Variants in MUCL3 observed in about 807,000 individuals in gnomAD.
The protein encoded by MUCL3 is mucin-like protein 3.
A neutral mutation model predicts 70.2 loss-of-function variants in MUCL3; 42 were observed. That is an observed-to-expected ratio of 0.60 (90% CI 0.47 to 0.77). MUCL3 has a LOEUF of 0.77. Ranked by LOEUF, MUCL3 falls within the 30% of genes least tolerant of loss-of-function variation. The probability of loss-of-function intolerance (pLI) is 0.00; values close to 1 mark genes in which losing one functional copy is unlikely to be tolerated. For synonymous variants in MUCL3, 522 were observed against 647.0 expected, an observed-to-expected ratio of 0.81 and a Z score of 2.93; for missense variants, 1,429 against 1,670.0, an observed-to-expected ratio of 0.86 and a Z score of 2.52.
intron 1 of MUCL3, chr6:30,946,051 C>T (rs532792299): frequency 6.6e-6 from 1 of 152,374 alleles, no homozygotes; most frequent in South Asian, 2.1e-4. Context: ...TAAAACACAG[C>T]AGAGAAAGTG....
In MUCL3 at chr6:30,951,926, G is replaced by C. The variant is rs1359462699; in HGVS notation, c.3462G>C (p.Leu1154Phe). The C allele has an allele frequency of 6.2e-7, 1 of 1,612,838 alleles. No individual in the cohort carries two copies. Among genetic ancestry groups the C allele is most frequent in the African/African-American group, 1.3e-5 (1 of 74,634 alleles). ...EPIKHAKRTT[L>F]AHEKMTQVTE... ...TAAAACATGCAAAAAGGACCACATT[G>C]GCCCATGAGAAGATGACACAAGTCA... The change falls in exon 2 of 3, where the codon TTG becomes TTC. Residue 1154 changes from leucine (L) to phenylalanine (F), a missense_variant. Leu to Phe is a conservative substitution (Grantham distance 22). Coordinates refer to ENST00000462446, the MANE Select transcript of MUCL3 (RefSeq NM_080870.4).
Position 30,948,651 on chromosome 6 carries a change from A to G in MUCL3, c.187A>G (p.Ile63Val). 6.4e-7 allele frequency: 1 copy of G among 1,551,260 alleles called. No homozygotes were observed. Among genetic ancestry groups the G allele is most frequent in the Non-Finnish European group, 8.7e-7 (1 of 1,146,906 alleles). Residue 63 changes from isoleucine (I) to valine (V), a missense_variant, in exon 2 of 3, where the codon ATT becomes GTT. Ile to Val is a conservative substitution (Grantham distance 29). Transcript: ENST00000462446. Reference protein sequence around the residue: ...GLVYSIPFDHIVLHSGQRPPE... With the variant: ...GLVYSIPFDHVVLHSGQRPPE... Reference sequence around the variant, plus strand: ...TGTTTATAGTATCCCTTTTGATCACATTGTTCTGCATTCAGGACAAAGACC... The same window carrying G: ...TGTTTATAGTATCCCTTTTGATCACGTTGTTCTGCATTCAGGACAAAGACC...
Position 30,952,002 on chromosome 6 carries a change from A to G in MUCL3, c.3538A>G (p.Thr1180Ala). ...AAAGACCACGTCAACCACAGAGAAA[A>G]CCACAAGAACCCCAGAAAAGCCTAC... ...PEKTTSTTEK[T>A]TRTPEKPTLY... Residue 1180 changes from threonine to alanine, a missense_variant, in exon 2 of 3, where the codon ACC (threonine) becomes GCC (alanine). Thr to Ala is a moderately conservative substitution (Grantham distance 58). Transcript: ENST00000462446. 1 of 1,612,626 alleles carries G rather than the reference A, an allele frequency of 6.2e-7. No individual in the cohort carries two copies. Among genetic ancestry groups the G allele is most frequent in the Non-Finnish European group, 8.5e-7 (1 of 1,179,848 alleles).
Position 30,950,881 on chromosome 6 carries a change from A to G in MUCL3, c.2417A>G (p.Glu806Gly), listed in dbSNP as rs1181399664. Reference sequence around the variant, plus strand: ...TCAGCAGAGCCTACAGAACACGCAGAAAGGACTCCACTGGCCAATGAGAAC... The same window carrying G: ...TCAGCAGAGCCTACAGAACACGCAGGAAGGACTCCACTGGCCAATGAGAAC... Reference protein sequence around the residue: ...SSSAEPTEHAERTPLANENTT... With the variant: ...SSSAEPTEHAGRTPLANENTT... Residue 806 changes from glutamate to glycine, a missense_variant, in exon 2 of 3, where the codon GAA becomes GGA. Glu to Gly is a moderately conservative substitution (Grantham distance 98, BLOSUM62 -2). Coordinates refer to ENST00000462446, the MANE Select transcript of MUCL3 (RefSeq NM_080870.4). 1 of 1,551,206 alleles carries G rather than the reference A, an allele frequency of 6.4e-7. No homozygotes were observed. Among genetic ancestry groups the G allele is most frequent in the Non-Finnish European group, 8.7e-7 (1 of 1,146,936 alleles).
At position 30,949,533 on chromosome 6, in the gene MUCL3, T is replaced by C. The variant is rs1322864394; in HGVS notation, c.1069T>C (p.Phe357Leu). The change falls in exon 2 of 3, where the codon TTC becomes CTC. Residue 357 changes from phenylalanine to leucine, a missense_variant. Physicochemically the swap from Phe to Leu is conservative, Grantham distance 22. Transcript: ENST00000462446. ...GACAGCCAATGAGAATACCACACTATTCCCAGCAGAGCCTACAGAACATGG... is the reference window on the plus strand; with the variant it reads ...GACAGCCAATGAGAATACCACACTACTCCCAGCAGAGCCTACAGAACATGG... ...EMTANENTTL[F>L]PAEPTEHGER... The C allele has an allele frequency of 1.3e-6, 2 of 1,548,402 alleles. No homozygotes were observed. The highest frequency in any genetic ancestry group is 2.4e-5 in the South Asian group (2 of 83,938).
At position 30,953,048 on chromosome 6, in the gene MUCL3, C is replaced by A. The variant is rs1355463148; in HGVS notation, c.4113C>A (p.Pro1371=). The change falls in exon 3 of 3, where the codon CCC becomes CCA. Residue 1371 remains proline (P), a synonymous_variant. Coordinates refer to ENST00000462446, the MANE Select transcript of MUCL3 (RefSeq NM_080870.4). ...QYNDAEDEGG[P]NSYPVYLMEQ... ...ATGATGCAGAGGATGAGGGTGGCCCCAATTCCTACCCGGTCTACCTGATGG... is the reference window on the plus strand; with the variant it reads ...ATGATGCAGAGGATGAGGGTGGCCCAAATTCCTACCCGGTCTACCTGATGG... 6.2e-7 allele frequency: 1 copy of A among 1,614,244 alleles called. No homozygotes were observed. Among genetic ancestry groups the A allele is most frequent in the African/African-American group, 1.3e-5 (1 of 75,064 alleles).
At position 30,949,156 on chromosome 6, in the gene MUCL3, C is replaced by T; in HGVS notation, c.692C>T (p.Ala231Val). Residue 231 changes from alanine to valine, a missense_variant, in exon 2 of 3, where the codon GCA (alanine) becomes GTA (valine). Ala to Val is a moderately conservative substitution (Grantham distance 64, BLOSUM62 0). Coordinates refer to ENST00000462446, the MANE Select transcript of MUCL3 (RefSeq NM_080870.4). ...ACATCTTTTCCAGAAAAAATCACAG[C>T]AGCCTCAAAAACAACATACAAGACC... The part of the protein sequence containing the change: ...KSTSFPEKIT[A>V]ASKTTYKTTG... 1.3e-6 allele frequency: 2 copies of T among 1,551,418 alleles called. No individual in the cohort carries two copies. The highest frequency in any genetic ancestry group is 1.7e-6 in the Non-Finnish European group (2 of 1,146,952).
chr6:30,946,923 T>C (rs766892889), intron 1 of MUCL3, among the ~76,000 whole-genome samples: 1 of 152,220 alleles, frequency 6.6e-6, no homozygotes, highest in Non-Finnish European at 1.5e-5. Flanking sequence ...AATAAGTTAA[T>C]GTATGCCCTC....
chr6:30,953,461 C>G lies in MUCL3; in HGVS notation c.*344C>G. On this transcript the variant is annotated 3_prime_UTR_variant, in exon 3 of 3. Coordinates refer to ENST00000462446, the MANE Select transcript of MUCL3 (RefSeq NM_080870.4). Reference sequence around the variant, plus strand: ...AAAGGAAGGACAGGAGCCTTATAGGCAATGCCCCAGACTGACTTGTGAGTG... The same window carrying G: ...AAAGGAAGGACAGGAGCCTTATAGGGAATGCCCCAGACTGACTTGTGAGTG... The G allele has an allele frequency of 3.2e-6, 1 of 316,838 alleles. No homozygotes were observed. Among genetic ancestry groups the G allele is most frequent in the Non-Finnish European group, 5.8e-6 (1 of 171,906 alleles). 19.6% of individuals were successfully genotyped at this position (316,838 alleles called of 1,614,324 possible).
rs766292530 is a variant in MUCL3, at chr6:30,948,599, T to C, written c.135T>C (p.Asp45=). The part of the protein sequence containing the change: ...YQKTGELSTS[D]HIFPLTPGLV... ...AAACTGGGGAACTCTCAACATCCGA[T>C]CACATATTTCCCCTCACTCCAGGCC... The change falls in exon 2 of 3, where the codon GAT becomes GAC. Residue 45 remains aspartate, a synonymous_variant. Transcript: ENST00000462446. The C allele has an allele frequency of 1.9e-6, 3 of 1,548,382 alleles. No homozygotes were observed. The South Asian group carries it at 3.6e-5, about 19-fold the overall frequency.
chr6:30,945,385 T>C (rs761707028), intron 1 of MUCL3, among the ~76,000 whole-genome samples: 10 of 149,542 alleles, frequency 6.7e-5, no homozygotes, highest in Non-Finnish European at 1.0e-4. Flanking sequence ...ACGCCTATAA[T>C]CCTAATATTT....
chr6:30,945,088 C>T (rs1292850138), intron 1 of MUCL3, among the ~76,000 whole-genome samples: 9 of 152,218 alleles, frequency 5.9e-5, no homozygotes, highest in South Asian at 2.1e-4. Context: ...CTTCTTTCAA[C>T]GTCTTTTAAT....
chr6:30,951,854 T>C lies in MUCL3; in HGVS notation c.3390T>C (p.Asp1130=). 6.2e-7 allele frequency: 1 copy of C among 1,600,638 alleles called. No individual in the cohort carries two copies. The highest frequency in any genetic ancestry group is 8.5e-7 in the Non-Finnish European group (1 of 1,174,644). The change falls in exon 2 of 3, where the codon GAT becomes GAC. Residue 1130 remains aspartate, a synonymous_variant. Transcript: ENST00000462446. ...CAGCAGAGTCTACAGAACATAGAGA[T>C]AGGGCTACATCAGCCAATGTGATCA... ...SSAAESTEHR[D]RATSANVITP...
At position 30,953,025 on chromosome 6, in the gene MUCL3, G is replaced by A. The variant is rs769351075; in HGVS notation, c.4090G>A (p.Asp1364Asn). The A allele has an allele frequency of 6.2e-7, 1 of 1,614,250 alleles. No homozygotes were observed. The highest frequency in any genetic ancestry group is 1.1e-5 in the South Asian group (1 of 91,086). ...RTLTQNTQYN[D>N]AEDEGGPNSY... ...ACTAACCCAGAACACCCAGTACAAT[G>A]ATGCAGAGGATGAGGGTGGCCCCAA... Residue 1364 changes from aspartate (D) to asparagine (N), a missense_variant, in exon 3 of 3, where the codon GAT becomes AAT. Physicochemically the swap from Asp to Asn is conservative, Grantham distance 23. Transcript: ENST00000462446.
At chr6:30,942,297 G>A (rs1354546884) in intron 1 of MUCL3, among the ~76,000 whole-genome samples, 1 of 152,166 alleles carries the variant, frequency 6.6e-6, no homozygotes, top group Non-Finnish European at 1.5e-5. Context: ...GAAACGGACT[G>A]CTACTGAACC....
intron 1 of MUCL3, among the ~76,000 whole-genome samples, chr6:30,947,171 G>T (rs887787133): frequency 6.6e-6 from 1 of 150,834 alleles, no homozygotes; most frequent in Non-Finnish European, 1.5e-5. Flanking sequence ...GGCCGGGGAA[G>T]GTGTCCAATA....
intron 1 of MUCL3, among the ~76,000 whole-genome samples, chr6:30,945,473 T>TA (rs11441516): frequency 0.47 from 53,881 of 113,924 alleles, 12,766 homozygotes; most frequent in Middle Eastern, 0.54. Context: ...CCCTGCGTCT[T>TA]AAAAAAAAAA....
intron 1 of MUCL3, among the ~76,000 whole-genome samples, chr6:30,947,722 G>C (rs7341251): frequency 6.6e-6 from 1 of 151,112 alleles, no homozygotes; most frequent in Non-Finnish European, 1.5e-5. Flanking sequence ...TTTCCTTTCA[G>C]GATGGCCCCT....
rs1454603490 is a variant in MUCL3, at chr6:30,953,120, T to A, written c.*3T>A. ...GCCAGATCCCTTCCCCACGGTGATCTTGGAGTAGGCGCCCAGCCCTGGCTC... is the reference window on the plus strand; with the variant it reads ...GCCAGATCCCTTCCCCACGGTGATCATGGAGTAGGCGCCCAGCCCTGGCTC... On this transcript the variant is annotated 3_prime_UTR_variant, in exon 3 of 3. Transcript: ENST00000462446. The A allele has an allele frequency of 6.2e-7, 1 of 1,613,896 alleles. No individual in the cohort carries two copies. Among genetic ancestry groups the A allele is most frequent in the South Asian group, 1.1e-5 (1 of 91,064 alleles).
Sources: allele counts gnomAD v4.1 joint callset (sites outside exome capture counted in the v4.1 genomes callset), GRCh38; gene constraint gnomAD v4.1.1; transcripts MANE v1.5; gene names NCBI Gene and HGNC (gene_info 2026-07-23, HGNC 2026-07-21).